Variants in GPT2 observed in about 807,000 individuals in gnomAD.
GPT2 encodes glutamic--pyruvic transaminase 2.
Under a neutral mutation model 56.9 loss-of-function variants are expected in GPT2, and 30 were observed. The ratio of observed to expected loss-of-function variants is 0.53; its 90% CI spans 0.39 to 0.72. The LOEUF (loss-of-function observed/expected upper bound fraction) is 0.72. Ranked by LOEUF, GPT2 falls within the 30% of genes least tolerant of loss-of-function variation. GPT2 has a pLI of 0.00. For missense variants in GPT2, 542 were observed against 703.4 expected, an observed-to-expected ratio of 0.77 and a Z score of 2.60; for synonymous variants, 271 against 283.1, an observed-to-expected ratio of 0.96 and a Z score of 0.43.
chr16:46,903,080 C>A (rs1449018910), intron 4 of GPT2, among the ~76,000 whole-genome samples: 2 of 151,960 alleles, frequency 1.3e-5, no homozygotes, highest in East Asian at 4.0e-4. Context: ...GAAACCCTGT[C>A]TCTACTAAAA....
intron 6 of GPT2, 45 bp downstream of exon 6, chr16:46,909,972 G>A (rs1287449595): frequency 6.5e-7 from 1 of 1,538,110 alleles, no homozygotes; most frequent in Admixed American, 2.0e-5. Flanking sequence ...GGTGGGGGTG[G>A]CTGATACACT....
At chr16:46,897,524 T>A in intron 2 of GPT2, 124 bp from the exon 3 acceptor site, 1 of 814,242 alleles carries the variant, frequency 1.2e-6, no homozygotes, top group Non-Finnish European at 2.0e-6. Context: ...TGGCACCAAG[T>A]CAGATACTTG....
intron 2 of GPT2, among the ~76,000 whole-genome samples, chr16:46,887,065 C>A (rs1282478906): frequency 6.6e-6 from 1 of 152,164 alleles, no homozygotes; most frequent in Admixed American, 6.5e-5. Flanking sequence ...AAACAGTGCC[C>A]TTCTTGCGAG....
chr16:46,925,805 G>A (rs932684480), intron 10 of GPT2, among the ~76,000 whole-genome samples: 1 of 151,258 alleles, frequency 6.6e-6, no homozygotes, highest in African/African-American at 2.4e-5. Flanking sequence ...GCCTGGGCGA[G>A]AGCAAGATCT....
chr16:46,893,707 C>G (rs912762670), intron 2 of GPT2, among the ~76,000 whole-genome samples: 2 of 152,152 alleles, frequency 1.3e-5, no homozygotes, highest in African/African-American at 4.8e-5. Flanking sequence ...TGAGCCAAAG[C>G]GGCGGGAGGG....
rs1242074190 is a variant in GPT2, at chr16:46,909,453, A to C, written c.577-231A>C. On this transcript the variant is annotated intron_variant, in intron 5 of 11. Coordinates refer to ENST00000340124, the MANE Select transcript of GPT2 (RefSeq NM_133443.4). ...GACGTGAGCCACCGTGCCCAGCCTA[A>C]GTACTGAGTCATTAACTACACGTTC... Among the ~76,000 whole-genome samples, 6 of 152,222 alleles carry C rather than the reference A, an allele frequency of 3.9e-5. No individual in the cohort carries two copies. The East Asian group carries it at 7.7e-4, about 20-fold the overall frequency.
At position 46,903,635 on chromosome 16, in the gene GPT2, A is replaced by G. The variant is rs1027585152; in HGVS notation, c.442+2845A>G. ...TCATTTATGTTCTGTTTGACGAGCA[A>G]TTTGGTTCTCAGGTTTGTCCTGGAT... On this transcript the variant is annotated intron_variant, in intron 4 of 11. Transcript: ENST00000340124. 3.4e-4 allele frequency among the ~76,000 whole-genome samples: 51 copies of G among 152,226 alleles called. 1 individual carries two copies. The highest frequency in any genetic ancestry group is 1.6e-4 in the Non-Finnish European group (11 of 68,000).
At chr16:46,892,226 C>T (rs1354280318) in intron 2 of GPT2, among the ~76,000 whole-genome samples, 2 of 152,132 alleles carry the variant, frequency 1.3e-5, no homozygotes, top group Non-Finnish European at 2.9e-5. Context: ...CACATAGTGT[C>T]CTCCAGGTTC....
intron 10 of GPT2, 143 bp downstream of exon 10, chr16:46,924,687 C>T: frequency 3.6e-6 from 3 of 842,896 alleles, no homozygotes; most frequent in South Asian, 3.3e-5. Flanking sequence ...AGGGTGTTGA[C>T]CGTGTAAAGA....
At chr16:46,898,690 C>T (rs1016588653) in intron 3 of GPT2, among the ~76,000 whole-genome samples, 4 of 151,752 alleles carry the variant, frequency 2.6e-5, no homozygotes, top group African/African-American at 4.8e-5. Flanking sequence ...GCTGGGATTA[C>T]AGGCATGCAC....
chr16:46,900,627 C>G, intron 3 of GPT2, 55 bp from the exon 4 acceptor site: 1 of 1,406,682 alleles, frequency 7.1e-7, no homozygotes. Flanking sequence ...TGTGCTCCTC[C>G]TGGAGCTCTA....
At chr16:46,885,528 T>A in intron 2 of GPT2, 1 of 985,280 alleles carries the variant, frequency 1.0e-6, no homozygotes, top group East Asian at 1.1e-4. Context: ...TAGGCCCCTC[T>A]GGAGCCTTGG....
chr16:46,928,860 C>A, intron 11 of GPT2, 47 bp from the exon 12 acceptor site: 1 of 1,432,202 alleles, frequency 7.0e-7, no homozygotes, highest in Non-Finnish European at 9.9e-7. Context: ...TCGTTCCTCT[C>A]CCATCTTGCA....
At chr16:46,917,701 TACAC>T (rs1961196616) in intron 7 of GPT2, among the ~76,000 whole-genome samples, 1 of 151,796 alleles carries the variant, frequency 6.6e-6, no homozygotes, top group Non-Finnish European at 1.5e-5. Context: ...CACACACGCA[TACAC>T]ACACAGACAT....
chr16:46,916,855 C>T (rs972249436), intron 7 of GPT2, 148 bp downstream of exon 7: 1 of 641,588 alleles, frequency 1.6e-6, no homozygotes, highest in African/African-American at 1.8e-5. Flanking sequence ...AGTTTTACAA[C>T]TTGTGGGACT....
At chr16:46,926,400 G>T (rs2143573283) in intron 10 of GPT2, among the ~76,000 whole-genome samples, 2 of 151,766 alleles carry the variant, frequency 1.3e-5, no homozygotes, top group Middle Eastern at 6.8e-3. Context: ...GGTGAGCTGA[G>T]ATCATACCAC....
At position 46,900,766 on chromosome 16, in the gene GPT2, C is replaced by T; in HGVS notation, c.418C>T (p.Gln140Ter). The change falls in exon 4 of 12, where the codon CAG becomes TAG. Residue 140 changes from glutamine (Q) to a stop codon, truncating the protein, a stop_gained. Transcript: ENST00000340124. LOFTEE classifies it high-confidence loss of function. ...DAKKRARRIL[Q>*]ACGGNSLGSY... ...TAAGAAACGTGCCCGGCGGATCCTGCAGGCTTGTGGCGGGAACAGCCTGGG... is the reference window on the plus strand; with the variant it reads ...TAAGAAACGTGCCCGGCGGATCCTGTAGGCTTGTGGCGGGAACAGCCTGGG... The T allele has an allele frequency of 6.2e-7, 1 of 1,614,094 alleles. No individual in the cohort carries two copies. The highest frequency in any genetic ancestry group is 1.3e-5 in the African/African-American group (1 of 75,058).
intron 2 of GPT2, among the ~76,000 whole-genome samples, chr16:46,889,756 A>G (rs1960552372): frequency 6.6e-6 from 1 of 152,194 alleles, no homozygotes. Context: ...TGAGATGTTA[A>G]TGATAATGCT....
chr16:46,900,089 C>A (rs1042361631), intron 3 of GPT2, among the ~76,000 whole-genome samples: 5 of 152,230 alleles, frequency 3.3e-5, no homozygotes, highest in African/African-American at 1.2e-4. Context: ...CTCCTCAGTG[C>A]CAGCCTCAAC....
Sources: allele counts gnomAD v4.1 joint callset (sites outside exome capture counted in the v4.1 genomes callset), GRCh38; gene constraint gnomAD v4.1.1; transcripts MANE v1.5; gene names NCBI Gene and HGNC (gene_info 2026-07-23, HGNC 2026-07-21).